Variants in TBCK observed in about 807,000 individuals in gnomAD.
The protein encoded by TBCK is TBC1 domain containing kinase.
Under a neutral mutation model 113.4 loss-of-function variants are expected in TBCK, and 99 were observed. The ratio of observed to expected loss-of-function variants is 0.87; its 90% CI spans 0.74 to 1.03. The LOEUF (loss-of-function observed/expected upper bound fraction) is 1.03. TBCK is among the 50% of genes least tolerant of loss of function. The pLI, the probability that TBCK is intolerant of heterozygous loss-of-function variation, is 0.00. For synonymous variants in TBCK, 369 were observed against 370.8 expected (o/e 1.00, Z 0.05); for missense variants, 1,045 against 1,061.3 (o/e 0.98, Z 0.21).
intron 22 of TBCK, among the ~76,000 whole-genome samples, chr4:106,172,682 G>C (rs1050292109): frequency 6.6e-6 from 1 of 152,044 alleles, no homozygotes; most frequent in African/African-American, 2.4e-5. Flanking sequence ...TAAATTCTGT[G>C]GATAGTGCAT....
chr4:106,284,566 G>A (rs1764932655), intron 3 of TBCK, among the ~76,000 whole-genome samples: 1 of 152,092 alleles, frequency 6.6e-6, no homozygotes, highest in Non-Finnish European at 1.5e-5. Context: ...ACTACATTTT[G>A]TTAAAGGAAT....
chr4:106,252,359 T>C (rs1181296479), intron 5 of TBCK, among the ~76,000 whole-genome samples: 1 of 151,550 alleles, frequency 6.6e-6, no homozygotes, highest in East Asian at 1.9e-4. Context: ...TTAAAGTGCA[T>C]TTTATCTTTT....
intron 23 of TBCK, among the ~76,000 whole-genome samples, chr4:106,128,633 T>C (rs1380545421): frequency 6.6e-6 from 1 of 151,998 alleles, no homozygotes; most frequent in Admixed American, 6.5e-5. Context: ...AGGCAAGACA[T>C]TTGAAAAAAT....
chr4:106,081,464 T>C (rs1486686283), intron 25 of TBCK, among the ~76,000 whole-genome samples: 5 of 152,040 alleles, frequency 3.3e-5, no homozygotes, highest in African/African-American at 1.2e-4. Context: ...AGCTGAACGA[T>C]GGGAACACAC....
intron 17 of TBCK, 81 bp downstream of exon 17, chr4:106,232,857 A>C: frequency 1.5e-6 from 2 of 1,353,014 alleles, no homozygotes; most frequent in Non-Finnish European, 1.0e-6. Flanking sequence ...AAGGATGTTT[A>C]GATATTTTAA....
At chr4:106,244,231 T>A (rs1237319269) in intron 11 of TBCK, among the ~76,000 whole-genome samples, 2 of 152,234 alleles carry the variant, frequency 1.3e-5, no homozygotes, top group South Asian at 4.1e-4. Context: ...CATTTACAAG[T>A]ATATTTGGAA....
chr4:106,197,341 A>AGAGTGT, intron 20 of TBCK, among the ~76,000 whole-genome samples: 1 of 142,344 alleles, frequency 7.0e-6, no homozygotes, highest in South Asian at 2.3e-4. Context: ...ATTACTGAAG[A>AGAGTGT]GTGTGTGTGT....
chr4:106,058,842 G>A (rs1424424164), intron 25 of TBCK, among the ~76,000 whole-genome samples: 4 of 151,746 alleles, frequency 2.6e-5, no homozygotes, highest in Admixed American at 6.6e-5. Context: ...TAGGGCAGAA[G>A]TGAGGGATGG....
At chr4:106,284,219 A>T (rs1175410281) in intron 3 of TBCK, among the ~76,000 whole-genome samples, 1 of 152,140 alleles carries the variant, frequency 6.6e-6, no homozygotes, top group Non-Finnish European at 1.5e-5. Flanking sequence ...AGTAAAAAAG[A>T]TATGAAAGCC....
chr4:106,120,159 G>A (rs1031167486), intron 23 of TBCK, among the ~76,000 whole-genome samples: 8 of 152,194 alleles, frequency 5.3e-5, no homozygotes, highest in Admixed American at 2.6e-4. Flanking sequence ...CTGGGGAAGC[G>A]CAAGGGGTCA....
chr4:106,206,471 A>G (rs1190381756), intron 20 of TBCK, among the ~76,000 whole-genome samples: 1 of 152,190 alleles, frequency 6.6e-6, no homozygotes, highest in East Asian at 1.9e-4. Context: ...ATCCAATGCC[A>G]GTAGAATGGG....
At chr4:106,163,515 C>T (rs890228421) in intron 23 of TBCK, 1 of 152,116 alleles carries the variant, frequency 6.6e-6, no homozygotes, top group Non-Finnish European at 1.5e-5. Flanking sequence ...TAAAGACATA[C>T]CCCAAACTGG....
intron 12 of TBCK, among the ~76,000 whole-genome samples, chr4:106,237,711 C>T (rs1250756752): frequency 2.0e-5 from 3 of 152,100 alleles, no homozygotes; most frequent in Non-Finnish European, 2.9e-5. Context: ...TGGTTCTACT[C>T]TAAAAATCAA....
chr4:106,231,277 A>G (rs1364438545), intron 18 of TBCK, among the ~76,000 whole-genome samples: 2 of 151,806 alleles, frequency 1.3e-5, no homozygotes, highest in African/African-American at 2.4e-5. Context: ...CAACATTAGT[A>G]TATAAGTATT....
rs34775295 is a variant in TBCK, at chr4:106,204,751, A to ATTTTTTTTTTTTT, written c.1860+7986_1860+7998dup. 4.0e-4 allele frequency among the ~76,000 whole-genome samples: 35 copies of ATTTTTTTTTTTTT among 87,282 alleles called. 1 individual carries two copies. Among genetic ancestry groups the ATTTTTTTTTTTTT allele is most frequent in the Non-Finnish European group, 6.7e-4 (31 of 45,976 alleles). 57.3% of individuals were successfully genotyped at this position (87,282 alleles called of 152,430 possible). A position where few individuals can be genotyped will look rare whatever the true frequency, so the allele number is the denominator to read the frequency against. ...TTGAAAGAATGACAGACAAACAATG[A>ATTTTTTTTTTTTT]TTTTTTTTTTTTTTTTTTTTTTTTT... On this transcript the variant is annotated intron_variant, in intron 20 of 25. Transcript: ENST00000394708.
intron 20 of TBCK, among the ~76,000 whole-genome samples, chr4:106,212,295 G>T (rs7668477): frequency 0.16 from 23,570 of 152,056 alleles, 1,927 homozygotes; most frequent in South Asian, 0.25. Context: ...GCTAAGTCAC[G>T]CTACAGCTAA....
chr4:106,251,520 A>T (rs1761424830), intron 6 of TBCK, among the ~76,000 whole-genome samples: 1 of 151,948 alleles, frequency 6.6e-6, no homozygotes, highest in African/African-American at 2.4e-5. Context: ...ATCTTCTAAA[A>T]ACGTAGTTTT....
intron 25 of TBCK, among the ~76,000 whole-genome samples, chr4:106,050,633 A>C (rs1734702131): frequency 6.6e-6 from 1 of 152,072 alleles, no homozygotes; most frequent in African/African-American, 2.4e-5. Flanking sequence ...AATATTCTCA[A>C]CTGATTAATA....
intron 20 of TBCK, among the ~76,000 whole-genome samples, chr4:106,198,228 G>A (rs867943180): frequency 2.0e-5 from 3 of 152,110 alleles, no homozygotes; most frequent in Non-Finnish European, 2.9e-5. Flanking sequence ...CCAGATCTTC[G>A]TTTTTGAAAT....
Sources: allele counts gnomAD v4.1 joint callset (sites outside exome capture counted in the v4.1 genomes callset), GRCh38; gene constraint gnomAD v4.1.1; transcripts MANE v1.5; gene names NCBI Gene and HGNC (gene_info 2026-07-23, HGNC 2026-07-21).